The following IMMP2L variants were observed in gnomAD, a reference collection of about 807,000 sequenced individuals.
The protein encoded by IMMP2L is mitochondrial inner membrane protease subunit 2.
Under a neutral mutation model 19.3 loss-of-function variants are expected in IMMP2L, and 18 were observed. The observed-to-expected ratio is 0.93, with a 90% CI of 0.64 to 1.38. The LOEUF is 1.38. IMMP2L is among the 40% of genes most tolerant of loss of function. IMMP2L has a pLI of 0.00. For missense variants in IMMP2L, 233 were observed against 218.2 expected (o/e 1.07, Z -0.43); for synonymous variants, 76 against 73.0 (o/e 1.04, Z -0.21).
intron 5 of IMMP2L, among the ~76,000 whole-genome samples, chr7:110,819,413 G>T (rs1305039085): frequency 2.0e-5 from 3 of 152,152 alleles, no homozygotes; most frequent in Middle Eastern, 3.4e-3. Context: ...TTTGGCTGAA[G>T]TGCAGAAATG....
intron 3 of IMMP2L, among the ~76,000 whole-genome samples, chr7:111,026,696 G>A (rs1202036250): frequency 2.0e-5 from 3 of 151,966 alleles, no homozygotes; most frequent in Non-Finnish European, 4.4e-5. Context: ...TAAAAGAAAT[G>A]GAATCAATTT....
At chr7:110,741,702 T>C (rs1796999640) in intron 5 of IMMP2L, among the ~76,000 whole-genome samples, 1 of 152,206 alleles carries the variant, frequency 6.6e-6, no homozygotes, top group Admixed American at 6.5e-5. Flanking sequence ...GTATGTAACC[T>C]CAATATATTT....
chr7:111,478,972 T>A (rs975819066), intron 3 of IMMP2L, among the ~76,000 whole-genome samples: 1 of 152,202 alleles, frequency 6.6e-6, no homozygotes, highest in Non-Finnish European at 1.5e-5. Context: ...CAAGATTGGG[T>A]TTATCAAAGA....
chr7:111,227,814 C>CA (rs1182114151), intron 3 of IMMP2L, among the ~76,000 whole-genome samples: 1 of 152,006 alleles, frequency 6.6e-6, no homozygotes, highest in Non-Finnish European at 1.5e-5. Flanking sequence ...CTGGCATCTA[C>CA]AAAAAATATA....
intron 5 of IMMP2L, among the ~76,000 whole-genome samples, chr7:110,779,055 A>G (rs1799575608): frequency 6.6e-6 from 1 of 151,966 alleles, no homozygotes; most frequent in Admixed American, 6.6e-5. Context: ...ATTATAAGTA[A>G]CGATTTTATA....
chr7:111,299,597 C>T (rs253376), intron 3 of IMMP2L, among the ~76,000 whole-genome samples: 77,509 of 148,200 alleles, frequency 0.52, 20,519 homozygotes, highest in South Asian at 0.71. Flanking sequence ...AAAAGAAATG[C>T]GTGATTATCT....
intron 5 of IMMP2L, among the ~76,000 whole-genome samples, chr7:110,832,426 T>C (rs1034031311): frequency 2.0e-5 from 3 of 152,114 alleles, no homozygotes; most frequent in African/African-American, 7.2e-5. Context: ...ATGTGACACA[T>C]TCCTTCTCTT....
rs1563330933 is a variant in IMMP2L at position 111,539,210 on chromosome 7, GAAAGAAAGAA to G, written c.-2-17771_-2-17762del. 5.0e-3 allele frequency among the ~76,000 whole-genome samples: 342 copies of G among 67,910 alleles called. 7 individuals are homozygous for G. Among genetic ancestry groups the G allele is most frequent in the Admixed American group, 9.6e-3 (68 of 7,080 alleles). The allele number at this position is 67,910 out of a possible 152,430, so 44.6% of individuals were successfully genotyped here. On this transcript the variant is annotated intron_variant, in intron 1 of 5. Coordinates refer to ENST00000405709, the MANE Select transcript of IMMP2L (RefSeq NM_032549.4). The stretch of plus-strand genomic sequence containing the variant: ...AAGGAAGGAGGGAGAAAGAAAGAAA[GAAAGAAAGAA>G]AGAAAGAAAGAAAGAAAGAAAGAAA...
At chr7:111,062,320 CA>C (rs1794094086) in intron 3 of IMMP2L, among the ~76,000 whole-genome samples, 1 of 152,152 alleles carries the variant, frequency 6.6e-6, no homozygotes, top group Non-Finnish European at 1.5e-5. Flanking sequence ...TCATGAGTCT[CA>C]TTCATTATCA....
intron 3 of IMMP2L, among the ~76,000 whole-genome samples, chr7:111,328,175 T>C (rs963831041): frequency 6.6e-6 from 1 of 151,738 alleles, no homozygotes; most frequent in Non-Finnish European, 1.5e-5. Flanking sequence ...CAGAGTATTC[T>C]CCTATAAGCT....
chr7:110,952,877 T>C (rs1817976120), intron 4 of IMMP2L, among the ~76,000 whole-genome samples: 1 of 152,090 alleles, frequency 6.6e-6, no homozygotes, highest in Non-Finnish European at 1.5e-5. Context: ...CAATATTCAT[T>C]CTCCTTCCCT....
At chr7:111,141,753 A>T (rs1296841068) in intron 3 of IMMP2L, among the ~76,000 whole-genome samples, 1 of 152,144 alleles carries the variant, frequency 6.6e-6, no homozygotes, top group East Asian at 1.9e-4. Flanking sequence ...TTTGTTTAAG[A>T]AATGGTCTCA....
chr7:110,758,415 T>A lies in IMMP2L; in HGVS notation c.409-94694A>T, dbSNP rs1187764909. The stretch of plus-strand genomic sequence containing the variant: ...TATAGGATAACAAACAGCACGTTAG[T>A]ATGCTATTGGAAAAGATCTTATAGA... On this transcript the variant is annotated intron_variant, in intron 5 of 5. Coordinates refer to ENST00000405709, the MANE Select transcript of IMMP2L (RefSeq NM_032549.4). The surrounding 1 kb of genome is among the most constrained non-coding windows in gnomAD (Gnocchi z 4.6). Among the ~76,000 whole-genome samples the A allele has an allele frequency of 1.3e-5, 2 of 152,048 alleles. No individual in the cohort carries two copies. The highest frequency in any genetic ancestry group is 4.8e-5 in the African/African-American group (2 of 41,430).
intron 3 of IMMP2L, among the ~76,000 whole-genome samples, chr7:111,163,432 C>A (rs959436867): frequency 5.3e-5 from 8 of 152,102 alleles, no homozygotes; most frequent in Non-Finnish European, 1.2e-4. Context: ...CGAATCAAAT[C>A]TCTCCTCAGT....
At chr7:111,305,987 T>C (rs1232884503) in intron 3 of IMMP2L, among the ~76,000 whole-genome samples, 1 of 152,156 alleles carries the variant, frequency 6.6e-6, no homozygotes, top group East Asian at 1.9e-4. Context: ...ATTTTTATAA[T>C]AAATCTCTAA....
chr7:111,066,039 C>T (rs943036670), intron 3 of IMMP2L, among the ~76,000 whole-genome samples: 11 of 146,192 alleles, frequency 7.5e-5, no homozygotes, highest in South Asian at 4.3e-4. Flanking sequence ...AGTGCTATGG[C>T]GCAATCTTGA....
At position 111,123,475 on chromosome 7, in the gene IMMP2L, C is replaced by G; in HGVS notation, c.240-159910G>C. 6.2e-7 allele frequency: 1 copy of G among 1,613,772 alleles called. No individual in the cohort carries two copies. The highest frequency in any genetic ancestry group is 8.5e-7 in the Non-Finnish European group (1 of 1,179,878). ...AATACCAGATAACGCCTTGGTTGGA[C>G]TGGAAAACTTAGAAAGCATCTCTTT... On this transcript the variant is annotated intron_variant, in intron 3 of 5. Coordinates refer to ENST00000405709, the MANE Select transcript of IMMP2L (RefSeq NM_032549.4). This position sits in a 1 kb window ranked among gnomAD's most constrained non-coding sequence, Gnocchi z 6.4.
chr7:111,016,580 C>A (rs1416539155), intron 3 of IMMP2L, among the ~76,000 whole-genome samples: 3 of 110,738 alleles, frequency 2.7e-5, no homozygotes, highest in African/African-American at 3.7e-5. Context: ...CATACATATA[C>A]ATATATGTAT....
chr7:110,763,215 C>G (rs1798456404), intron 5 of IMMP2L, among the ~76,000 whole-genome samples: 1 of 152,116 alleles, frequency 6.6e-6, no homozygotes, highest in African/African-American at 2.4e-5. Flanking sequence ...AGTGATAGAA[C>G]AAGCTTAACA....
Sources: gnomAD v4.1 joint callset for allele counts (sites outside exome capture counted in the v4.1 genomes callset) on GRCh38, gnomAD v4.1.1 for gene constraint, Gnocchi (gnomAD v3.1) non-coding constraint, MANE v1.5 for transcripts, NCBI Gene and HGNC (gene_info 2026-07-23, HGNC 2026-07-21) for gene names.